ARHGAP8: variants seen among roughly 807,000 people sequenced by gnomAD.
ARHGAP8 encodes the protein Rho GTPase activating protein 8, also known as rho GTPase-activating protein 8.
Under a neutral mutation model 46.1 loss-of-function variants are expected in ARHGAP8, and 62 were observed. The ratio of observed to expected loss-of-function variants is 1.34; its 90% CI spans 1.10 to 1.66. ARHGAP8 has a LOEUF of 1.66. ARHGAP8 is among the 40% of genes most tolerant of loss of function. The probability of loss-of-function intolerance (pLI) is 0.00; values close to 1 mark genes in which losing one functional copy is unlikely to be tolerated. For missense variants in ARHGAP8, 923 were observed against 568.4 expected, an observed-to-expected ratio of 1.62 and a Z score of -6.34; for synonymous variants, 375 against 243.1, an observed-to-expected ratio of 1.54 and a Z score of -5.05.
chr22:44,782,213 T>C (rs1423873100), intron 1 of ARHGAP8, among the ~76,000 whole-genome samples: 1 of 152,056 alleles, frequency 6.6e-6, no homozygotes, highest in Non-Finnish European at 1.5e-5. Context: ...GGCACATGCC[T>C]GTAGTCCCAG....
chr22:44,862,190 G>A (rs74652584), intron 11 of ARHGAP8, 85 bp from the exon 12 acceptor site: 16,322 of 1,488,992 alleles, frequency 0.011, 125 homozygotes, highest in Non-Finnish European at 0.013. Context: ...CTACACCTAC[G>A]CCTCTCCCTA....
At chr22:44,821,267 T>TA (rs956285520) in intron 5 of ARHGAP8, among the ~76,000 whole-genome samples, 4 of 151,888 alleles carry the variant, frequency 2.6e-5, no homozygotes, top group Non-Finnish European at 5.9e-5. Flanking sequence ...CCGTCTCTAC[T>TA]AAAAATACAA....
At chr22:44,853,697 T>C (rs908922343) in intron 10 of ARHGAP8, among the ~76,000 whole-genome samples, 2 of 152,166 alleles carry the variant, frequency 1.3e-5, no homozygotes, top group Non-Finnish European at 2.9e-5. Flanking sequence ...AGATTCACTT[T>C]TTAAAAGCCT....
chr22:44,768,446 C>T (rs1420591642), intron 1 of ARHGAP8, among the ~76,000 whole-genome samples: 2 of 150,638 alleles, frequency 1.3e-5, no homozygotes, highest in African/African-American at 2.5e-5. Context: ...ACTACAGGTG[C>T]ACACCACCAC....
At chr22:44,825,235 G>A (rs1930423694) in intron 6 of ARHGAP8, among the ~76,000 whole-genome samples, 1 of 152,126 alleles carries the variant, frequency 6.6e-6, no homozygotes, top group African/African-American at 2.4e-5. Context: ...CTGCTGGCCA[G>A]GGGCCTCAGG....
chr22:44,774,266 A>C (rs1198466403), intron 1 of ARHGAP8, among the ~76,000 whole-genome samples: 1 of 152,192 alleles, frequency 6.6e-6, no homozygotes, highest in African/African-American at 2.4e-5. Context: ...GTCTTGGTGA[A>C]AGGAAGAACG....
intron 11 of ARHGAP8, 111 bp from the exon 12 acceptor site, chr22:44,862,164 T>TCCAGTGCTCCTCTCACTACAC (rs898527679): frequency 5.3e-6 from 7 of 1,332,704 alleles, no homozygotes; most frequent in Non-Finnish European, 7.0e-6. Flanking sequence ...CGGCTCCCAG[T>TCCAGTGCTCCTCTCACTACAC]CCAGTGCTCC....
chr22:44,785,453 G>T (rs1209707758), intron 1 of ARHGAP8, among the ~76,000 whole-genome samples: 1 of 152,102 alleles, frequency 6.6e-6, no homozygotes, highest in Non-Finnish European at 1.5e-5. Context: ...CCCTTGGCTT[G>T]CGGCCGCATC....
Position 44,862,326 on chromosome 22 carries a change from G to C in ARHGAP8, c.1033G>C (p.Val345Leu). The C allele has an allele frequency of 6.2e-7, 1 of 1,613,848 alleles. No homozygotes were observed. The highest frequency in any genetic ancestry group is 1.3e-5 in the African/African-American group (1 of 75,028). The change falls in exon 12 of 12, where the codon GTC becomes CTC. Residue 345 changes from valine to leucine, a missense_variant. By Grantham distance (32) the Val-to-Leu change is conservative. Transcript: ENST00000356099. ...AATGAACAGCTCTAACCTGGCCTGT[G>C]TCTTCGGGCTGAATTTGATCTGGCC... ...NKMNSSNLAC[V>L]FGLNLIWPSQ... is the part of the protein sequence containing the mutation.
intron 7 of ARHGAP8, among the ~76,000 whole-genome samples, chr22:44,838,840 C>G (rs1569172631): frequency 6.6e-6 from 1 of 152,196 alleles, no homozygotes; most frequent in Admixed American, 6.5e-5. Flanking sequence ...GGAGGCTGCT[C>G]AGCCCCTGGC....
Position 44,856,898 on chromosome 22 carries a change from G to A in ARHGAP8, c.878-2833G>A, listed in dbSNP as rs187657287. Among the ~76,000 whole-genome samples, 386 of 143,550 alleles carry A rather than the reference G, an allele frequency of 2.7e-3. 36 individuals carry two copies. The East Asian group carries it at 0.043, about 16-fold the overall frequency. 94.2% of individuals were successfully genotyped at this position (143,550 alleles called of 152,430 possible). On this transcript the variant is annotated intron_variant, in intron 10 of 11. Transcript: ENST00000356099. Reference sequence around the variant, plus strand: ...AAGAGACTTTGACCACCCTCACACAGTCGCGCTGCAGACAGAAATCTGGGA... The same window carrying A: ...AAGAGACTTTGACCACCCTCACACAATCGCGCTGCAGACAGAAATCTGGGA...
Position 44,862,264 on chromosome 22 carries a change from G to T in ARHGAP8, c.982-11G>T. 1.9e-6 allele frequency: 3 copies of T among 1,578,886 alleles called. No homozygotes were observed. Among genetic ancestry groups the T allele is most frequent in the Non-Finnish European group, 2.6e-6 (3 of 1,157,826 alleles). ...GTTCACTCCCCTTTACTTGTGTGTG[G>T]TTTCCTCCAGGTGTCCCGGGAGAGC... On this transcript the variant is annotated splice_polypyrimidine_tract_variant and intron_variant, in intron 11 of 11. Transcript: ENST00000356099.
intron 1 of ARHGAP8, among the ~76,000 whole-genome samples, chr22:44,773,044 G>A (rs1176177059): frequency 6.6e-6 from 1 of 151,460 alleles, no homozygotes; most frequent in Non-Finnish European, 1.5e-5. Flanking sequence ...TTAAACCTCT[G>A]GGCTTAAGTT....
intron 7 of ARHGAP8, among the ~76,000 whole-genome samples, 194 bp downstream of exon 7, chr22:44,825,787 TC>T (rs1353606761): frequency 2.2e-5 from 3 of 134,892 alleles, no homozygotes; most frequent in African/African-American, 5.7e-5. Flanking sequence ...GGGCGCGTGC[TC>T]GCTGCTCGGT....
intron 10 of ARHGAP8, among the ~76,000 whole-genome samples, chr22:44,856,225 A>T (rs1163426384): frequency 6.8e-6 from 1 of 146,858 alleles, no homozygotes; most frequent in Admixed American, 6.8e-5. Context: ...AGTGCAGCTC[A>T]CATTACTGTC....
At chr22:44,847,468 G>C (rs2069986135) in intron 8 of ARHGAP8, among the ~76,000 whole-genome samples, 1 of 152,184 alleles carries the variant, frequency 6.6e-6, no homozygotes, top group Non-Finnish European at 1.5e-5. Flanking sequence ...TGAGTGACTA[G>C]ATTTCTAATT....
At chr22:44,856,949 T>TA (rs1428811886) in intron 10 of ARHGAP8, among the ~76,000 whole-genome samples, 1 of 143,302 alleles carries the variant, frequency 7.0e-6, no homozygotes, top group Non-Finnish European at 1.5e-5. Context: ...GAATTCTTTT[T>TA]TTTTTTTTGA....
At chr22:44,813,856 C>T (rs999983666) in intron 4 of ARHGAP8, among the ~76,000 whole-genome samples, 6 of 152,172 alleles carry the variant, frequency 3.9e-5, no homozygotes, top group Non-Finnish European at 5.9e-5. Context: ...GACTTACATA[C>T]GTCTACACAC....
chr22:44,862,074 G>A (rs1002809174), intron 11 of ARHGAP8, among the ~76,000 whole-genome samples: 4 of 152,206 alleles, frequency 2.6e-5, no homozygotes, highest in Admixed American at 1.3e-4. Context: ...GGACATGGAG[G>A]CCAAGCCTTC....
Sources: gnomAD v4.1 joint callset for allele counts (sites outside exome capture counted in the v4.1 genomes callset) on GRCh38, gnomAD v4.1.1 for gene constraint, MANE v1.5 for transcripts, NCBI Gene and HGNC (gene_info 2026-07-23, HGNC 2026-07-21) for gene names.